CRYZL1: variants seen among roughly 807,000 people sequenced by gnomAD.
The protein encoded by CRYZL1 is ferry endosomal RAB5 effector complex subunit 4.
In CRYZL1, 34 loss-of-function variants were observed where a neutral mutation model predicts 50.6. The ratio of observed to expected loss-of-function variants is 0.67; its 90% CI spans 0.51 to 0.89. The LOEUF (loss-of-function observed/expected upper bound fraction) is 0.89, where lower values mean the gene tolerates loss of function less well. CRYZL1 is among the 40% of genes least tolerant of loss of function. The probability of loss-of-function intolerance (pLI) is 0.00; values close to 1 mark genes in which losing one functional copy is unlikely to be tolerated. For synonymous variants in CRYZL1, 125 were observed against 134.3 expected (o/e 0.93, Z 0.48); for missense variants, 354 against 402.3 (o/e 0.88, Z 1.03).
At chr21:33,607,612 A>G (rs1276639622) in intron 6 of CRYZL1, among the ~76,000 whole-genome samples, 1 of 152,210 alleles carries the variant, frequency 6.6e-6, no homozygotes, top group Non-Finnish European at 1.5e-5. Context: ...AGCCTGGGCT[A>G]CAGAGTAAGA....
At chr21:33,604,000 C>T (rs1362126752) in intron 6 of CRYZL1, among the ~76,000 whole-genome samples, 1 of 152,170 alleles carries the variant, frequency 6.6e-6, no homozygotes, top group Non-Finnish European at 1.5e-5. Context: ...CGCCTGTAAT[C>T]CCAGCACTTT....
chr21:33,626,981 G>A (rs2087073524), intron 2 of CRYZL1, among the ~76,000 whole-genome samples: 1 of 152,122 alleles, frequency 6.6e-6, no homozygotes, highest in Non-Finnish European at 1.5e-5. Context: ...TCACAGTTTT[G>A]ACAAAACTTG....
intron 5 of CRYZL1, among the ~76,000 whole-genome samples, chr21:33,615,687 A>G (rs1342737507): frequency 6.6e-6 from 1 of 152,182 alleles, no homozygotes; most frequent in Admixed American, 6.6e-5. Context: ...AAAAGTTTTA[A>G]GTCAATTTTT....
In CRYZL1 at chr21:33,624,686, T is replaced by C. The variant is rs764064388; in HGVS notation, c.141A>G (p.Thr47=). The C allele has an allele frequency of 1.2e-6, 2 of 1,607,580 alleles. No homozygotes were observed. Among genetic ancestry groups the C allele is most frequent in the Admixed American group, 3.4e-5 (2 of 58,328 alleles). ...GCCATAATAAAAGAACCAATACCTT[T>C]GTATTTATCTGGCTCAGAGCACAAG... The part of the protein sequence containing the change: ...VKACALSQIN[T]KLLAEMKMKK... The change falls in exon 3 of 13, where the codon ACA becomes ACG. Residue 47 remains threonine, a synonymous_variant. Transcript: ENST00000381554.
intron 8 of CRYZL1, among the ~76,000 whole-genome samples, chr21:33,599,872 T>G (rs909820563): frequency 5.3e-5 from 8 of 152,072 alleles, no homozygotes; most frequent in Admixed American, 3.9e-4. Flanking sequence ...TGGCTTCATG[T>G]GATCCTCCTG....
At chr21:33,594,204 A>C (rs868055508) in intron 11 of CRYZL1, among the ~76,000 whole-genome samples, 1 of 146,144 alleles carries the variant, frequency 6.8e-6, no homozygotes, top group Non-Finnish European at 1.5e-5. Context: ...GCTAAGCTGG[A>C]GTGCAGTGGC....
intron 12 of CRYZL1, among the ~76,000 whole-genome samples, chr21:33,590,685 G>C (rs1193797938): frequency 6.6e-6 from 1 of 152,202 alleles, no homozygotes; most frequent in Admixed American, 6.5e-5. Context: ...CAAAGTGCTG[G>C]GATTACAGGC....
chr21:33,605,212 T>A (rs1339360793), intron 6 of CRYZL1, among the ~76,000 whole-genome samples: 1 of 152,198 alleles, frequency 6.6e-6, no homozygotes, highest in East Asian at 1.9e-4. Context: ...TTATATATTC[T>A]AGAGAAGTCA....
At chr21:33,627,787 C>A (rs1393844122) in intron 2 of CRYZL1, among the ~76,000 whole-genome samples, 1 of 144,320 alleles carries the variant, frequency 6.9e-6, no homozygotes, top group African/African-American at 2.6e-5. Flanking sequence ...CTCTCCTGCC[C>A]AGGCTGGAGT....
chr21:33,621,942 T>TTAATCTC, intron 4 of CRYZL1, 54 bp downstream of exon 4: 1 of 1,252,722 alleles, frequency 8.0e-7, no homozygotes, highest in South Asian at 1.4e-5. Flanking sequence ...TTAGCTACAT[T>TTAATCTC]TAATCTCTTT....
chr21:33,607,559 G>A (rs1334295738), intron 6 of CRYZL1, among the ~76,000 whole-genome samples: 3 of 152,134 alleles, frequency 2.0e-5, no homozygotes, highest in Non-Finnish European at 4.4e-5. Flanking sequence ...TTGAACCCAG[G>A]AGTTTGAGGC....
intron 1 of CRYZL1, chr21:33,641,233 C>T (rs78399272): frequency 3.2e-6 from 5 of 1,550,406 alleles, no homozygotes; most frequent in Non-Finnish European, 4.4e-6. Flanking sequence ...CGATCTGGCT[C>T]AAAAGCCACA....
At chr21:33,640,172 A>G in intron 1 of CRYZL1, 1 of 1,548,684 alleles carries the variant, frequency 6.5e-7, no homozygotes, top group Non-Finnish European at 8.7e-7. Context: ...TCCTGAGCTC[A>G]ATGTAGTTCA....
chr21:33,631,616 CA>C, intron 1 of CRYZL1, 59 bp from the exon 2 acceptor site: 1 of 1,149,804 alleles, frequency 8.7e-7, no homozygotes, highest in Non-Finnish European at 1.2e-6. Context: ...TAAATGTAAG[CA>C]AAAATGGAAA....
chr21:33,637,058 T>A (rs1279147429), intron 1 of CRYZL1, among the ~76,000 whole-genome samples: 10 of 152,156 alleles, frequency 6.6e-5, no homozygotes, highest in Admixed American at 6.5e-4. Context: ...GCCAAAAGTG[T>A]TTTGAGCATC....
At chr21:33,595,128 T>C in intron 11 of CRYZL1, 1 of 1,032,386 alleles carries the variant, frequency 9.7e-7, no homozygotes, top group Non-Finnish European at 1.2e-6. Flanking sequence ...TTGAAATTGT[T>C]TGTATATTCC....
At chr21:33,610,167 T>C (rs547934520) in intron 6 of CRYZL1, among the ~76,000 whole-genome samples, 60 of 151,616 alleles carry the variant, frequency 4.0e-4, no homozygotes, top group Non-Finnish European at 6.3e-4. Flanking sequence ...ACTTATTTTA[T>C]GCTATTTTAT....
At chr21:33,622,967 A>ATT (rs35493080) in intron 3 of CRYZL1, among the ~76,000 whole-genome samples, 4 of 117,480 alleles carry the variant, frequency 3.4e-5, no homozygotes, top group Non-Finnish European at 3.7e-5. Flanking sequence ...TTTCTTTTCT[A>ATT]TTTTTTTTTT....
chr21:33,640,767 C>G (rs1218552117), intron 1 of CRYZL1, among the ~76,000 whole-genome samples: 1 of 152,130 alleles, frequency 6.6e-6, no homozygotes, highest in Non-Finnish European at 1.5e-5. Flanking sequence ...ATTGAGCACT[C>G]CAACTGTGTC....
Sources: allele counts gnomAD v4.1 joint callset (sites outside exome capture counted in the v4.1 genomes callset), GRCh38; gene constraint gnomAD v4.1.1; transcripts MANE v1.5; gene names NCBI Gene and HGNC (gene_info 2026-07-23, HGNC 2026-07-21).